The following KCNJ6 variants were observed in gnomAD, a reference collection of about 807,000 sequenced individuals.
KCNJ6 encodes potassium inwardly rectifying channel subfamily J member 6.
In KCNJ6, 9 loss-of-function variants were observed where a neutral mutation model predicts 34.2. That is an observed-to-expected ratio of 0.26 (90% CI 0.16 to 0.46). The LOEUF (loss-of-function observed/expected upper bound fraction) is 0.46. KCNJ6 is among the 20% of genes least tolerant of loss of function. The pLI, the probability that KCNJ6 is intolerant of heterozygous loss-of-function variation, is 1.00. For synonymous variants in KCNJ6, 196 were observed against 207.1 expected (o/e 0.95, Z 0.46); for missense variants, 236 against 531.3 (o/e 0.44, Z 5.46).
In KCNJ6 at chr21:37,675,626, G is replaced by A. The variant is rs771753629; in HGVS notation, c.946+38585C>T. On this transcript the variant is annotated intron_variant, in intron 3 of 3. Coordinates refer to ENST00000609713, the MANE Select transcript of KCNJ6 (RefSeq NM_002240.5). This position sits in a 1 kb window ranked among gnomAD's most constrained non-coding sequence, Gnocchi z 4.2. Reference sequence around the variant, plus strand: ...GAATTCTCCGGCCCCAGGAGAGGCCGTGTGGCCATAAAAGGGCTGACCTCC... The same window carrying A: ...GAATTCTCCGGCCCCAGGAGAGGCCATGTGGCCATAAAAGGGCTGACCTCC... Among the ~76,000 whole-genome samples, 4 of 152,364 alleles carry A rather than the reference G, an allele frequency of 2.6e-5. No homozygotes were observed. Among genetic ancestry groups the A allele is most frequent in the Non-Finnish European group, 4.4e-5 (3 of 68,032 alleles).
rs2054257235 is a variant in KCNJ6, at chr21:37,614,599, T to G, written c.*10560A>C. 2.3e-4 allele frequency: 1 copy of G among 4,402 alleles called. No homozygotes were observed. The highest frequency in any genetic ancestry group is 7.1e-3 in the South Asian group (1 of 140). The allele number at this position is 4,402 out of a possible 1,614,324, so 0.3% of individuals were successfully genotyped here. A position where few individuals can be genotyped will look rare whatever the true frequency, so the allele number is the denominator to read the frequency against. The stretch of plus-strand genomic sequence containing the variant: ...GTGTCTCTGTATGCATGTGTGTGTA[T>G]GCATGTCTGTATGCGTGTGTGTATG... On this transcript the variant is annotated 3_prime_UTR_variant, in exon 4 of 4. Transcript: ENST00000609713.
intron 2 of KCNJ6, among the ~76,000 whole-genome samples, chr21:37,786,754 T>C (rs2055194555): frequency 6.6e-6 from 1 of 152,216 alleles, no homozygotes; most frequent in Admixed American, 6.5e-5. Flanking sequence ...AGACATCTTA[T>C]CTAATTTCTC....
rs139577140 is a variant in KCNJ6, at chr21:37,806,235, C to T, written c.25+34423G>A. Among the ~76,000 whole-genome samples, 21 of 152,176 alleles carry T rather than the reference C, an allele frequency of 1.4e-4. No homozygotes were observed. The East Asian group carries it at 3.3e-3, about 24-fold the overall frequency. ...GAAGTTGTTTACCCCAGGTAGATAGCGGATGGGGACTGAGGATTTACTTCA... is the reference window on the plus strand; with the variant it reads ...GAAGTTGTTTACCCCAGGTAGATAGTGGATGGGGACTGAGGATTTACTTCA... On this transcript the variant is annotated intron_variant, in intron 2 of 3. Transcript: ENST00000609713.
chr21:37,828,286 C>T (rs576305202), intron 2 of KCNJ6, among the ~76,000 whole-genome samples: 4 of 152,266 alleles, frequency 2.6e-5, no homozygotes, highest in South Asian at 4.1e-4. Context: ...ACATCCCGGA[C>T]GCCTTGACTT....
chr21:37,631,248 T>C (rs1436528384), intron 3 of KCNJ6, among the ~76,000 whole-genome samples: 1 of 152,198 alleles, frequency 6.6e-6, no homozygotes, highest in East Asian at 1.9e-4. Flanking sequence ...ATATCGTTCA[T>C]TGGCCATGTC....
intron 3 of KCNJ6, among the ~76,000 whole-genome samples, chr21:37,711,195 C>G (rs1434456988): frequency 6.6e-6 from 1 of 152,258 alleles, no homozygotes; most frequent in African/African-American, 2.4e-5. Flanking sequence ...AGTGCATCCA[C>G]AGAGCACCAC....
intron 3 of KCNJ6, among the ~76,000 whole-genome samples, chr21:37,651,489 C>A (rs1406961566): frequency 6.6e-6 from 1 of 152,096 alleles, no homozygotes; most frequent in Non-Finnish European, 1.5e-5. Flanking sequence ...CAAGGAGGAG[C>A]CTTCCCAGTG....
At chr21:37,667,361 G>C (rs4816573) in intron 3 of KCNJ6, among the ~76,000 whole-genome samples, 6,770 of 151,940 alleles carry the variant, frequency 0.045, 420 homozygotes, top group African/African-American at 0.14. Flanking sequence ...CATCACATAG[G>C]ACCTCTTGTA....
chr21:37,670,369 C>CT, intron 3 of KCNJ6, among the ~76,000 whole-genome samples: 1 of 152,102 alleles, frequency 6.6e-6, no homozygotes, highest in Non-Finnish European at 1.5e-5. Flanking sequence ...TCCATATGAA[C>CT]TTGAGGATTG....
At chr21:37,898,454 T>A (rs1461236109) in intron 1 of KCNJ6, among the ~76,000 whole-genome samples, 1 of 152,072 alleles carries the variant, frequency 6.6e-6, no homozygotes. Flanking sequence ...TGGTGGCACA[T>A]GCCTATAGTC....
At chr21:37,715,244 A>G in intron 2 of KCNJ6, 113 bp from the exon 3 acceptor site, 1 of 928,234 alleles carries the variant, frequency 1.1e-6, no homozygotes, top group African/African-American at 1.7e-5. Context: ...TTGTGTAGCT[A>G]TAAACAAAGT....
At chr21:37,854,501 G>A (rs895912179) in intron 1 of KCNJ6, among the ~76,000 whole-genome samples, 2 of 152,162 alleles carry the variant, frequency 1.3e-5, no homozygotes, top group Non-Finnish European at 2.9e-5. Context: ...AGGATCAGGA[G>A]GCAGATGAGC....
rs145524214 is a variant in KCNJ6, at chr21:37,834,090, G to A, written c.25+6568C>T. Among the ~76,000 whole-genome samples, 65 of 152,310 alleles carry A rather than the reference G, an allele frequency of 4.3e-4. No homozygotes were observed. The Middle Eastern group carries it at 0.01, about 24-fold the overall frequency. ...CCCAGAGCCTCTCAGCTCATGTGGT[G>A]TGCCAGCTCCTGGATTCTTTCATCC... On this transcript the variant is annotated intron_variant, in intron 2 of 3. Coordinates refer to ENST00000609713, the MANE Select transcript of KCNJ6 (RefSeq NM_002240.5).
chr21:37,706,752 C>A (rs976560000), intron 3 of KCNJ6, among the ~76,000 whole-genome samples: 1 of 152,124 alleles, frequency 6.6e-6, no homozygotes, highest in African/African-American at 2.4e-5. Context: ...TGAAGTATAG[C>A]TGTACTTTAA....
intron 3 of KCNJ6, among the ~76,000 whole-genome samples, chr21:37,682,501 T>C (rs1476827595): frequency 6.6e-6 from 1 of 152,012 alleles, no homozygotes; most frequent in Non-Finnish European, 1.5e-5. Context: ...ATTCCTTTGC[T>C]GGTGGCTGCA....
intron 3 of KCNJ6, among the ~76,000 whole-genome samples, chr21:37,664,761 G>A (rs1407677923): frequency 1.4e-5 from 2 of 147,426 alleles, no homozygotes; most frequent in African/African-American, 5.0e-5. Flanking sequence ...TAATTCCAAC[G>A]TTATGGAGAT....
intron 1 of KCNJ6, among the ~76,000 whole-genome samples, chr21:37,894,230 A>G (rs2123638164): frequency 6.6e-6 from 1 of 152,324 alleles, no homozygotes; most frequent in African/African-American, 2.4e-5. Context: ...TTGCAACATC[A>G]CAATCACCAG....
intron 3 of KCNJ6, among the ~76,000 whole-genome samples, chr21:37,647,614 G>A (rs2054411639): frequency 6.6e-6 from 1 of 152,086 alleles, no homozygotes; most frequent in Non-Finnish European, 1.5e-5. Flanking sequence ...CCCAGAGTTA[G>A]GCCTCAAACA....
At chr21:37,794,713 A>T (rs928891533) in intron 2 of KCNJ6, among the ~76,000 whole-genome samples, 1 of 151,886 alleles carries the variant, frequency 6.6e-6, no homozygotes, top group East Asian at 1.9e-4. Context: ...AACATCACAT[A>T]CCGGGGCCTG....
Sources: allele counts gnomAD v4.1 joint callset (sites outside exome capture counted in the v4.1 genomes callset), GRCh38; gene constraint gnomAD v4.1.1; non-coding constraint Gnocchi (gnomAD v3.1); transcripts MANE v1.5; gene names NCBI Gene and HGNC (gene_info 2026-07-23, HGNC 2026-07-21).